Variants in CDH12 observed in about 807,000 individuals in gnomAD.
CDH12 encodes cadherin 12, also known as cadherin-12.
A neutral mutation model predicts 74.1 loss-of-function variants in CDH12; 41 were observed. The observed-to-expected ratio is 0.55, with a 90% CI of 0.43 to 0.72. The LOEUF (loss-of-function observed/expected upper bound fraction) is 0.72. Ranked by LOEUF, CDH12 falls within the 30% of genes least tolerant of loss-of-function variation. CDH12 has a pLI of 0.00. For missense variants in CDH12, 945 were observed against 977.2 expected (o/e 0.97, Z 0.44); for synonymous variants, 399 against 355.0 (o/e 1.12, Z -1.39).
intron 4 of CDH12, among the ~76,000 whole-genome samples, chr5:22,173,976 T>G (rs1749193409): frequency 1.3e-5 from 2 of 151,986 alleles, no homozygotes; most frequent in African/African-American, 4.8e-5. Context: ...TTGGTTATAC[T>G]CATAGAATTA....
At chr5:22,021,226 A>C (rs1451068978) in intron 5 of CDH12, among the ~76,000 whole-genome samples, 1 of 152,214 alleles carries the variant, frequency 6.6e-6, no homozygotes, top group Non-Finnish European at 1.5e-5. Flanking sequence ...AGTTTGCATT[A>C]AGTACTTATG....
At chr5:22,156,450 A>G (rs189110569) in intron 4 of CDH12, among the ~76,000 whole-genome samples, 5 of 152,276 alleles carry the variant, frequency 3.3e-5, no homozygotes, top group Admixed American at 3.3e-4. Context: ...AAATGCTAAG[A>G]TACATGTTAA....
chr5:22,279,380 T>C (rs1458950413), intron 3 of CDH12, among the ~76,000 whole-genome samples: 2 of 152,302 alleles, frequency 1.3e-5, no homozygotes, highest in African/African-American at 4.8e-5. Flanking sequence ...GTTTTTTATA[T>C]ACATATTGAT....
At chr5:22,679,706 C>T (rs1260389744) in intron 1 of CDH12, among the ~76,000 whole-genome samples, 1 of 151,962 alleles carries the variant, frequency 6.6e-6, no homozygotes, top group African/African-American at 2.4e-5. Context: ...TATTATGAAT[C>T]ATCATTTGCC....
chr5:22,157,014 G>A (rs1748062777), intron 4 of CDH12, among the ~76,000 whole-genome samples: 1 of 152,040 alleles, frequency 6.6e-6, no homozygotes, highest in South Asian at 2.1e-4. Context: ...GTATTAACAG[G>A]TGAAAAATGA....
intron 2 of CDH12, among the ~76,000 whole-genome samples, chr5:22,420,167 CT>C (rs1215366393): frequency 2.0e-5 from 3 of 152,016 alleles, no homozygotes; most frequent in Non-Finnish European, 4.4e-5. Context: ...TGTAGAAGCT[CT>C]TTAGTTTAAT....
chr5:22,253,273 A>C (rs1424497434), intron 3 of CDH12, among the ~76,000 whole-genome samples: 1 of 151,940 alleles, frequency 6.6e-6, no homozygotes, highest in African/African-American at 2.4e-5. Flanking sequence ...ATGACTTTTA[A>C]AAGTGACTAT....
intron 1 of CDH12, among the ~76,000 whole-genome samples, chr5:22,736,093 C>G (rs1452535270): frequency 6.6e-6 from 1 of 151,762 alleles, no homozygotes; most frequent in Admixed American, 6.6e-5. Flanking sequence ...GACTCCTTAC[C>G]TAAAAACTAG....
At chr5:21,933,427 A>C (rs1754934957) in intron 6 of CDH12, among the ~76,000 whole-genome samples, 1 of 152,154 alleles carries the variant, frequency 6.6e-6, no homozygotes, top group Non-Finnish European at 1.5e-5. Context: ...TCCAAAATGC[A>C]CCTCCAGTAA....
At chr5:21,830,661 A>T (rs1294449314) in intron 8 of CDH12, among the ~76,000 whole-genome samples, 1 of 152,152 alleles carries the variant, frequency 6.6e-6, no homozygotes, top group South Asian at 2.1e-4. Flanking sequence ...CCCAGTGAGT[A>T]AATAGCAGAG....
intron 2 of CDH12, among the ~76,000 whole-genome samples, chr5:22,433,323 C>G (rs543780093): frequency 3.9e-5 from 6 of 152,146 alleles, no homozygotes; most frequent in Admixed American, 6.6e-5. Flanking sequence ...GGCTGATTAA[C>G]AGAATAAAGT....
chr5:22,425,075 TATAG>T (rs61257110), intron 2 of CDH12, among the ~76,000 whole-genome samples: 24,353 of 123,860 alleles, frequency 0.2, 2,025 homozygotes, highest in African/African-American at 0.24. Context: ...TATATATATA[TATAG>T]AGAGAGAGAG....
chr5:21,990,665 T>A (rs986928360), intron 5 of CDH12, among the ~76,000 whole-genome samples: 35 of 152,008 alleles, frequency 2.3e-4, no homozygotes, highest in Non-Finnish European at 4.9e-4. Context: ...ATCAAGCTTC[T>A]ATATTTTGCC....
chr5:22,164,893 T>C (rs1486483678), intron 4 of CDH12, among the ~76,000 whole-genome samples: 3 of 142,430 alleles, frequency 2.1e-5, no homozygotes, highest in South Asian at 2.5e-4. Context: ...GCACAAACCA[T>C]GTAGTTTAAT....
intron 9 of CDH12, among the ~76,000 whole-genome samples, chr5:21,807,825 T>G (rs1747518350): frequency 6.6e-6 from 1 of 152,118 alleles, no homozygotes; most frequent in Non-Finnish European, 1.5e-5. Context: ...TCACATAAAC[T>G]TATTAAGTTT....
At chr5:21,995,974 C>T (rs1268502469) in intron 5 of CDH12, among the ~76,000 whole-genome samples, 2 of 151,926 alleles carry the variant, frequency 1.3e-5, no homozygotes, top group South Asian at 2.1e-4. Flanking sequence ...CCTGAGTAGT[C>T]GGCATAACAT....
chr5:22,202,056 T>C lies in CDH12; in HGVS notation c.-187+10442A>G, dbSNP rs371051882. Among the ~76,000 whole-genome samples, 27 of 152,058 alleles carry C rather than the reference T, an allele frequency of 1.8e-4. No individual in the cohort carries two copies. The East Asian group carries it at 5.2e-3, about 29-fold the overall frequency. ...ACTGAGACGGTAAAGAGAGAAGACA[T>C]AGAAAAGGTTTTGAGGCGAGATTAG... On this transcript the variant is annotated intron_variant, in intron 4 of 14. Transcript: ENST00000382254.
intron 4 of CDH12, among the ~76,000 whole-genome samples, chr5:22,164,016 G>A (rs1748517433): frequency 6.6e-6 from 1 of 152,190 alleles, no homozygotes; most frequent in African/African-American, 2.4e-5. Context: ...TGAATCTGTA[G>A]ATTCCAGGTT....
intron 11 of CDH12, among the ~76,000 whole-genome samples, chr5:21,778,423 T>C (rs1301785033): frequency 6.8e-6 from 1 of 147,086 alleles, no homozygotes; most frequent in Non-Finnish European, 1.5e-5. Context: ...TTCTCATATG[T>C]TGTGATAATA....
Sources: gnomAD v4.1 joint callset for allele counts (sites outside exome capture counted in the v4.1 genomes callset) on GRCh38, gnomAD v4.1.1 for gene constraint, MANE v1.5 for transcripts, NCBI Gene and HGNC (gene_info 2026-07-23, HGNC 2026-07-21) for gene names.